ROR1: variants seen among roughly 807,000 people sequenced by gnomAD.
The protein encoded by ROR1 is ROR family WNT receptor 1.
In ROR1, 19 loss-of-function variants were observed where a neutral mutation model predicts 78.8. That is an observed-to-expected ratio of 0.24 (90% confidence interval 0.17 to 0.35). The LOEUF (loss-of-function observed/expected upper bound fraction) is 0.35. Ranked by LOEUF, ROR1 falls within the 10% of genes least tolerant of loss-of-function variation. ROR1 has a pLI of 1.00. For synonymous variants in ROR1, 386 were observed against 433.6 expected, an observed-to-expected ratio of 0.89 and a Z score of 1.36; for missense variants, 917 against 1,177.8, an observed-to-expected ratio of 0.78 and a Z score of 3.24.
At chr1:64,174,417 A>T (rs551436491) in intron 8 of ROR1, among the ~76,000 whole-genome samples, 9 of 152,198 alleles carry the variant, frequency 5.9e-5, no homozygotes, top group Non-Finnish European at 1.3e-4. Flanking sequence ...CAGATTCAAG[A>T]TGCAAACCCA....
At chr1:64,050,318 C>G (rs914341237) in intron 3 of ROR1, among the ~76,000 whole-genome samples, 4 of 152,162 alleles carry the variant, frequency 2.6e-5, no homozygotes, top group African/African-American at 9.7e-5. Context: ...GTGCATGGCC[C>G]TTTTCCTGCC....
chr1:64,164,740 C>T (rs1387429716), intron 8 of ROR1, among the ~76,000 whole-genome samples: 1 of 152,108 alleles, frequency 6.6e-6, no homozygotes, highest in African/African-American at 2.4e-5. Flanking sequence ...TCCTGATCCT[C>T]TCCCTCCTCC....
intron 4 of ROR1, among the ~76,000 whole-genome samples, chr1:64,135,097 G>A (rs1300598300): frequency 2.0e-5 from 3 of 151,970 alleles, no homozygotes; most frequent in Non-Finnish European, 4.4e-5. Flanking sequence ...GGGTTTTTTT[G>A]TGTTCTTTTT....
At chr1:63,873,318 T>G (rs1218246265) in intron 1 of ROR1, among the ~76,000 whole-genome samples, 1 of 152,208 alleles carries the variant, frequency 6.6e-6, no homozygotes, top group Non-Finnish European at 1.5e-5. Context: ...AACTATAGAG[T>G]AAGAATTTTC....
intron 1 of ROR1, among the ~76,000 whole-genome samples, chr1:63,902,310 A>G (rs1645491500): frequency 6.6e-6 from 1 of 152,010 alleles, no homozygotes; most frequent in Non-Finnish European, 1.5e-5. Context: ...AGACCCTAGT[A>G]GACAATAACA....
At chr1:63,795,022 T>G (rs899464240) in intron 1 of ROR1, among the ~76,000 whole-genome samples, 1 of 152,098 alleles carries the variant, frequency 6.6e-6, no homozygotes, top group African/African-American at 2.4e-5. Context: ...CGAGGCTGCC[T>G]GTGTGTGCAG....
chr1:63,948,377 G>A (rs928480741), intron 1 of ROR1, among the ~76,000 whole-genome samples: 3 of 149,696 alleles, frequency 2.0e-5, no homozygotes, highest in African/African-American at 7.4e-5. Flanking sequence ...TTTGGAGATT[G>A]CTATACTTAA....
Position 64,014,713 on chromosome 1 carries a change from C to CTATATATATATATATA in ROR1, c.163+5351_163+5352insTATATATATATATATA, listed in dbSNP as rs112423773. Among the ~76,000 whole-genome samples the CTATATATATATATATA allele has an allele frequency of 5.8e-4, 17 of 29,304 alleles. 3 individuals are homozygous for CTATATATATATATATA. Among genetic ancestry groups the CTATATATATATATATA allele is most frequent in the African/African-American group, 1.1e-3 (15 of 13,672 alleles). 19.2% of individuals were successfully genotyped at this position (29,304 alleles called of 152,430 possible). On this transcript the variant is annotated intron_variant, in intron 2 of 8. Transcript: ENST00000371079. The stretch of plus-strand genomic sequence containing the variant: ...GCAAATAGTTCTCTGTGCTGACAGA[C>CTATATATATATATATA]TATATATATATATACACATACGCAC...
chr1:64,175,634 T>G (rs887006200), intron 8 of ROR1, among the ~76,000 whole-genome samples: 1 of 152,202 alleles, frequency 6.6e-6, no homozygotes, highest in Non-Finnish European at 1.5e-5. Flanking sequence ...AAGACCAATT[T>G]ATAATGAGAC....
intron 1 of ROR1, among the ~76,000 whole-genome samples, chr1:63,998,573 C>T (rs952319177): frequency 3.3e-5 from 5 of 152,234 alleles, no homozygotes; most frequent in Non-Finnish European, 5.9e-5. Context: ...TAACCTGTAC[C>T]TAGTACCATG....
intron 1 of ROR1, among the ~76,000 whole-genome samples, chr1:63,932,743 AGG>A (rs1178488409): frequency 6.6e-6 from 1 of 152,202 alleles, no homozygotes; most frequent in East Asian, 1.9e-4. Flanking sequence ...TAAGTGACAG[AGG>A]CAGGATTTGA....
intron 4 of ROR1, among the ~76,000 whole-genome samples, chr1:64,133,400 G>T (rs1351826610): frequency 6.6e-6 from 1 of 152,178 alleles, no homozygotes; most frequent in Non-Finnish European, 1.5e-5. Context: ...GTTCCTAGAT[G>T]GGCACTCCTT....
At chr1:64,130,199 AT>A (rs1648863181) in intron 4 of ROR1, among the ~76,000 whole-genome samples, 1 of 152,144 alleles carries the variant, frequency 6.6e-6, no homozygotes, top group African/African-American at 2.4e-5. Context: ...AGAAAAAGGG[AT>A]GTAAGGGTTA....
chr1:63,856,199 T>C (rs929190123), intron 1 of ROR1, among the ~76,000 whole-genome samples: 4 of 152,194 alleles, frequency 2.6e-5, no homozygotes, highest in Admixed American at 2.6e-4. Flanking sequence ...ATTTTTGTAT[T>C]CCTACAAATA....
chr1:63,960,528 A>C (rs1264799127), intron 1 of ROR1, among the ~76,000 whole-genome samples: 4 of 152,172 alleles, frequency 2.6e-5, no homozygotes, highest in Non-Finnish European at 4.4e-5. Flanking sequence ...ATCCTGTTTG[A>C]ATCCTGGAGC....
chr1:63,785,453 G>C (rs1644677927), intron 1 of ROR1, among the ~76,000 whole-genome samples: 1 of 151,656 alleles, frequency 6.6e-6, no homozygotes, highest in Non-Finnish European at 1.5e-5. Flanking sequence ...GAGACCAGTG[G>C]TGTGTAGACC....
At chr1:64,004,181 A>G (rs1646409814) in intron 1 of ROR1, among the ~76,000 whole-genome samples, 1 of 152,212 alleles carries the variant, frequency 6.6e-6, no homozygotes, top group South Asian at 2.1e-4. Flanking sequence ...CCACTTCCCT[A>G]CCAGGGGCCT....
At chr1:64,133,172 C>T (rs183174040) in intron 4 of ROR1, among the ~76,000 whole-genome samples, 3 of 152,060 alleles carry the variant, frequency 2.0e-5, no homozygotes, top group Admixed American at 6.5e-5. Flanking sequence ...ACAAGGAGAA[C>T]GAGGGGGTGG....
At chr1:63,908,623 A>G (rs1460167543) in intron 1 of ROR1, among the ~76,000 whole-genome samples, 1 of 152,212 alleles carries the variant, frequency 6.6e-6, no homozygotes, top group Non-Finnish European at 1.5e-5. Context: ...CTAACAAAAC[A>G]TGGTGGATTG....
Sources: gnomAD v4.1 joint callset for allele counts (sites outside exome capture counted in the v4.1 genomes callset) on GRCh38, gnomAD v4.1.1 for gene constraint, MANE v1.5 for transcripts, NCBI Gene and HGNC (gene_info 2026-07-23, HGNC 2026-07-21) for gene names.